CPAP: variants seen among roughly 807,000 people sequenced by gnomAD.
CPAP encodes the protein centrosome assembly and centriole elongation protein, also known as centrosomal P4.1-associated protein.
the CPAP span, chr13:24,911,834 TAAAG>T: frequency 3.0e-6 from 4 of 1,331,106 alleles, no homozygotes; most frequent in Admixed American, 1.7e-5. Context: ...GGCTAGCCTT[TAAAG>T]AAACTGGAGT....
chr13:24,930,423 A>G, the CPAP span, among the ~76,000 whole-genome samples: 1 of 152,256 alleles, frequency 6.6e-6, no homozygotes, highest in South Asian at 2.1e-4. Context: ...CCAGATACTG[A>G]GCATTGTACC....
the CPAP span, among the ~76,000 whole-genome samples, chr13:24,917,523 C>T: frequency 1.3e-5 from 2 of 152,096 alleles, no homozygotes; most frequent in African/African-American, 2.4e-5. Flanking sequence ...GTGTGCATCA[C>T]CCCCCAGATT....
the CPAP span, among the ~76,000 whole-genome samples, chr13:24,927,529 C>T: frequency 7.2e-5 from 11 of 152,282 alleles, no homozygotes; most frequent in South Asian, 8.3e-4. Flanking sequence ...AGTGATTCCT[C>T]GAGTTTTGAG....
chr13:24,892,050 A>G, the CPAP span, among the ~76,000 whole-genome samples: 3 of 152,070 alleles, frequency 2.0e-5, no homozygotes, highest in African/African-American at 7.2e-5. Context: ...ACGTTTTATT[A>G]TTTGGCTTAT....
chr13:24,893,533 G>C, the CPAP span, among the ~76,000 whole-genome samples: 2 of 152,240 alleles, frequency 1.3e-5, no homozygotes, highest in African/African-American at 4.8e-5. Context: ...GCAGCCACAC[G>C]GCAGCCTGGT....
the CPAP span, among the ~76,000 whole-genome samples, chr13:24,895,518 C>T: frequency 2.0e-5 from 3 of 152,210 alleles, no homozygotes; most frequent in Admixed American, 6.5e-5. Context: ...GGGCCGGCCA[C>T]TGCACTCCAG....
At chr13:24,931,909 T>C in the CPAP span, among the ~76,000 whole-genome samples, 1 of 152,156 alleles carries the variant, frequency 6.6e-6, no homozygotes, top group African/African-American at 2.4e-5. Context: ...CCTCATTGGC[T>C]AAATCCCTCC....
At chr13:24,916,522 T>C in the CPAP span, among the ~76,000 whole-genome samples, 1 of 152,288 alleles carries the variant, frequency 6.6e-6, no homozygotes, top group East Asian at 1.9e-4. Flanking sequence ...CCACCCTGGG[T>C]TGGCAAAAAC....
the CPAP span, among the ~76,000 whole-genome samples, chr13:24,892,457 C>A: frequency 6.6e-6 from 1 of 152,148 alleles, no homozygotes; most frequent in Non-Finnish European, 1.5e-5. Flanking sequence ...GTGCAACCAT[C>A]GCCCTCCATC....
At chr13:24,906,066 G>A in the CPAP span, 20 of 1,613,798 alleles carry the variant, frequency 1.2e-5, no homozygotes, top group East Asian at 4.0e-4. Context: ...AATGAATGAA[G>A]TTGTTTGGGT....
At chr13:24,890,065 C>G in the CPAP span, among the ~76,000 whole-genome samples, 3 of 152,186 alleles carry the variant, frequency 2.0e-5, no homozygotes, top group Non-Finnish European at 4.4e-5. Context: ...ATTCTACTTA[C>G]AAAGATCCAG....
chr13:24,888,598 A>G, the CPAP span, among the ~76,000 whole-genome samples: 2 of 152,198 alleles, frequency 1.3e-5, no homozygotes, highest in Non-Finnish European at 2.9e-5. Flanking sequence ...TGGTACAACC[A>G]TGTTGCAGAG....
the CPAP span, among the ~76,000 whole-genome samples, chr13:24,894,269 G>GT: frequency 1.3e-5 from 2 of 152,244 alleles, no homozygotes; most frequent in Non-Finnish European, 2.9e-5. Flanking sequence ...CAGGGACGGG[G>GT]TAAGAGCGGA....
the CPAP span, among the ~76,000 whole-genome samples, chr13:24,897,076 G>C: frequency 6.6e-6 from 1 of 152,096 alleles, no homozygotes; most frequent in Admixed American, 6.5e-5. Context: ...AGAATTGCTA[G>C]TAGAACTAAA....
chr13:24,925,211 A>G, the CPAP span, among the ~76,000 whole-genome samples: 2 of 152,292 alleles, frequency 1.3e-5, no homozygotes, highest in African/African-American at 4.8e-5. Flanking sequence ...TCGTAGGCTC[A>G]AGCAGTCCTC....
the CPAP span, chr13:24,911,805 T>C: frequency 9.9e-7 from 1 of 1,008,682 alleles, no homozygotes; most frequent in East Asian, 2.5e-5. Context: ...ATTACAACTC[T>C]ACCATTTCAC....
At chr13:24,918,459 G>GTT in the CPAP span, among the ~76,000 whole-genome samples, 1 of 152,188 alleles carries the variant, frequency 6.6e-6, no homozygotes, top group Non-Finnish European at 1.5e-5. Flanking sequence ...AAATCTAAGT[G>GTT]TAACTTTGAC....
the CPAP span, among the ~76,000 whole-genome samples, chr13:24,899,917 G>C: frequency 2.6e-5 from 4 of 151,198 alleles, no homozygotes; most frequent in Non-Finnish European, 4.4e-5. Flanking sequence ...AGCTGTGATC[G>C]CACCACTGTA....
the CPAP span, chr13:24,889,085 T>C: frequency 1.9e-6 from 1 of 530,720 alleles, no homozygotes; most frequent in Non-Finnish European, 3.4e-6. Context: ...AGTATAACAA[T>C]TTATGAACGC....
Sources: allele counts gnomAD v4.1 joint callset (sites outside exome capture counted in the v4.1 genomes callset), GRCh38; gene constraint gnomAD v4.1.1; transcripts MANE v1.5; gene names NCBI Gene and HGNC (gene_info 2026-07-23, HGNC 2026-07-21).